Variants in PPP2R3C observed in about 807,000 individuals in gnomAD.
PPP2R3C encodes serine/threonine-protein phosphatase 2A regulatory subunit B'' subunit gamma.
Under a neutral mutation model 63.7 loss-of-function variants are expected in PPP2R3C, and 47 were observed. The observed-to-expected ratio is 0.74, with a 90% confidence interval of 0.58 to 0.94. PPP2R3C has a LOEUF of 0.94. Among genes scored for constraint, PPP2R3C ranks in the 40% least tolerant of loss-of-function variants. The pLI is 0.00. For synonymous variants in PPP2R3C, 180 were observed against 177.4 expected (o/e 1.01, Z -0.12); for missense variants, 421 against 518.4 (o/e 0.81, Z 1.82).
intron 2 of PPP2R3C, 140 bp from the exon 3 acceptor site, chr14:35,110,769 T>G (rs2046529525): frequency 8.3e-6 from 5 of 599,000 alleles, no homozygotes; most frequent in Non-Finnish European, 8.6e-6. Context: ...TAACATTTGT[T>G]TAACAAAAAC....
intron 1 of PPP2R3C, chr14:35,117,188 AAAAC>A (rs1399892696): frequency 2.2e-6 from 1 of 455,542 alleles, no homozygotes; most frequent in Non-Finnish European, 4.4e-6. Flanking sequence ...TAATGTAGAG[AAAAC>A]AAACAAAAAA....
chr14:35,094,085 AT>A (rs1332404838), intron 10 of PPP2R3C, among the ~76,000 whole-genome samples: 3 of 152,238 alleles, frequency 2.0e-5, no homozygotes, highest in African/African-American at 7.2e-5. Context: ...GATTCTCAGA[AT>A]TAAATCATGG....
At chr14:35,111,912 G>C (rs957109460) in intron 2 of PPP2R3C, among the ~76,000 whole-genome samples, 7 of 152,134 alleles carry the variant, frequency 4.6e-5, no homozygotes, top group African/African-American at 1.7e-4. Flanking sequence ...GCTGATTTGA[G>C]TAATAATAAA....
At chr14:35,106,988 C>T (rs943091376) in intron 6 of PPP2R3C, among the ~76,000 whole-genome samples, 3 of 152,122 alleles carry the variant, frequency 2.0e-5, no homozygotes, top group African/African-American at 7.2e-5. Flanking sequence ...TTAATGATGA[C>T]TTGAAGGCTG....
intron 6 of PPP2R3C, among the ~76,000 whole-genome samples, chr14:35,105,887 G>A (rs1230315145): frequency 6.6e-6 from 1 of 151,896 alleles, no homozygotes; most frequent in Non-Finnish European, 1.5e-5. Flanking sequence ...CTTTCGCCCA[G>A]GTTGGAGTGC....
Position 35,085,754 on chromosome 14 carries a change from GT to G in PPP2R3C, c.1197del (p.Lys399AsnfsTer6). On this transcript the variant is annotated frameshift_variant, in exon 13 of 13. Transcript: ENST00000261475. LOFTEE classifies it high-confidence loss of function. ...DVKDEIFDMV[K>X]PKDPLKISLQ... Reference sequence around the variant, plus strand: ...AGAGAGATTTTCAAAGGATCCTTTGGTTTTACCATGTCAAAGATTTCATCCT... The same window carrying G: ...AGAGAGATTTTCAAAGGATCCTTTGGTTTACCATGTCAAAGATTTCATCCT... 1 of 1,601,126 alleles carries G rather than the reference GT, an allele frequency of 6.2e-7. No individual in the cohort carries two copies. Among genetic ancestry groups the G allele is most frequent in the Non-Finnish European group, 8.5e-7 (1 of 1,174,688 alleles).
chr14:35,095,559 G>T (rs1275784143), intron 9 of PPP2R3C, among the ~76,000 whole-genome samples: 2 of 152,062 alleles, frequency 1.3e-5, no homozygotes, highest in East Asian at 3.9e-4. Context: ...CCAAAAGGAG[G>T]TCGGGCGTGG....
At chr14:35,091,731 A>AT (rs1180316726) in intron 10 of PPP2R3C, among the ~76,000 whole-genome samples, 12 of 148,662 alleles carry the variant, frequency 8.1e-5, no homozygotes, top group Non-Finnish European at 1.8e-4. Flanking sequence ...TTATTTATTT[A>AT]TTTTTTTGAG....
intron 6 of PPP2R3C, chr14:35,106,410 C>T (rs34482760): frequency 0.064 from 9,859 of 154,468 alleles, 460 homozygotes; most frequent in African/African-American, 0.14. Flanking sequence ...GGTGCAATCT[C>T]GGCTCACTGC....
chr14:35,116,591 T>C lies in PPP2R3C; in HGVS notation c.186+19A>G. ...TTCATTTTTAAACTCTGCAGGACATTTGATTAGACACTACTTACCCTATAA... is the reference window on the plus strand; with the variant it reads ...TTCATTTTTAAACTCTGCAGGACATCTGATTAGACACTACTTACCCTATAA... On this transcript the variant is annotated intron_variant, in intron 2 of 12. Transcript: ENST00000261475. 1 of 1,547,834 alleles carries C rather than the reference T, an allele frequency of 6.5e-7. No individual in the cohort carries two copies. Among genetic ancestry groups the C allele is most frequent in the East Asian group, 2.4e-5 (1 of 42,028 alleles).
At chr14:35,115,779 G>A (rs546193849) in intron 2 of PPP2R3C, among the ~76,000 whole-genome samples, 80 of 152,088 alleles carry the variant, frequency 5.3e-4, no homozygotes, top group African/African-American at 1.8e-3. Flanking sequence ...GCGCCACCAC[G>A]CCTGGCTAAT....
chr14:35,089,827 G>A (rs1433141603), intron 11 of PPP2R3C, among the ~76,000 whole-genome samples: 1 of 136,332 alleles, frequency 7.3e-6, no homozygotes, highest in African/African-American at 2.8e-5. Context: ...CACCACGCCC[G>A]GCTGATTTTT....
chr14:35,099,816 T>G (rs965950600), intron 6 of PPP2R3C: 14 of 156,100 alleles, frequency 9.0e-5, no homozygotes, highest in Non-Finnish European at 1.9e-4. Context: ...CTCAGCTCAC[T>G]GCAACCTCCG....
chr14:35,099,207 A>G, intron 7 of PPP2R3C, 45 bp downstream of exon 7: 1 of 1,454,792 alleles, frequency 6.9e-7, no homozygotes, highest in Non-Finnish European at 9.1e-7. Flanking sequence ...ATTTAGATAT[A>G]ATAATATCCT....
chr14:35,095,475 T>C (rs1294156251), intron 9 of PPP2R3C, among the ~76,000 whole-genome samples: 1 of 151,796 alleles, frequency 6.6e-6, no homozygotes, highest in Non-Finnish European at 1.5e-5. Context: ...CATTCCTAGG[T>C]TTCTAAATTA....
intron 2 of PPP2R3C, among the ~76,000 whole-genome samples, chr14:35,111,717 A>G (rs2046565402): frequency 6.6e-6 from 1 of 152,052 alleles, no homozygotes; most frequent in Non-Finnish European, 1.5e-5. Context: ...TGACTACCCA[A>G]TGGCCCCTCT....
chr14:35,097,140 G>A (rs1457482021), intron 7 of PPP2R3C, among the ~76,000 whole-genome samples: 1 of 151,966 alleles, frequency 6.6e-6, no homozygotes, highest in African/African-American at 2.4e-5. Context: ...GCTTGAACCT[G>A]GGAGGCAGAG....
intron 4 of PPP2R3C, among the ~76,000 whole-genome samples, chr14:35,108,512 G>C (rs568736997): frequency 6.6e-6 from 1 of 151,908 alleles, no homozygotes; most frequent in South Asian, 2.1e-4. Context: ...GACCATTTTG[G>C]CCAACATGGT....
chr14:35,105,371 C>T lies in PPP2R3C; in HGVS notation c.573+1933G>A, dbSNP rs201244632. Among the ~76,000 whole-genome samples, 6 of 151,836 alleles carry T rather than the reference C, an allele frequency of 4.0e-5. No homozygotes were observed. In the East Asian group the frequency reaches 5.8e-4, roughly 15 times the overall value. Reference sequence around the variant, plus strand: ...CTAATTTTTGTATTTTTAGTAGAGACGGGGTTTCTCCATGTTGGTCAGGCT... The same window carrying T: ...CTAATTTTTGTATTTTTAGTAGAGATGGGGTTTCTCCATGTTGGTCAGGCT... On this transcript the variant is annotated intron_variant, in intron 6 of 12. Coordinates refer to ENST00000261475, the MANE Select transcript of PPP2R3C (RefSeq NM_017917.4).
Sources: allele counts gnomAD v4.1 joint callset (sites outside exome capture counted in the v4.1 genomes callset), GRCh38; gene constraint gnomAD v4.1.1; transcripts MANE v1.5; gene names NCBI Gene and HGNC (gene_info 2026-07-23, HGNC 2026-07-21).